The following PRTG variants were observed in gnomAD, a reference collection of about 807,000 sequenced individuals.
PRTG encodes immunoglobulin superfamily, DCC subclass, member 5.
A neutral mutation model predicts 122.5 loss-of-function variants in PRTG; 67 were observed. The ratio of observed to expected loss-of-function variants is 0.55; its 90% CI spans 0.45 to 0.67. PRTG has a LOEUF of 0.67. PRTG is among the 30% of genes least tolerant of loss of function. The probability of loss-of-function intolerance (pLI) is 0.00; values close to 1 mark genes in which losing one functional copy is unlikely to be tolerated. For missense variants in PRTG, 1,435 were observed against 1,415.4 expected (o/e 1.01, Z -0.22); for synonymous variants, 554 against 501.1 (o/e 1.11, Z -1.41).
intron 6 of PRTG, 30 bp from the exon 7 acceptor site, chr15:55,679,475 C>A (rs765352566): frequency 9.0e-6 from 14 of 1,558,338 alleles, no homozygotes; most frequent in Admixed American, 1.7e-5. Context: ...TGAAATATTT[C>A]TGTGATCCTA....
intron 2 of PRTG, 43 bp from the exon 3 acceptor site, chr15:55,683,974 A>G: frequency 6.5e-7 from 1 of 1,550,116 alleles, no homozygotes; most frequent in Non-Finnish European, 8.9e-7. Flanking sequence ...GTGCATGAAA[A>G]TAACACTTAG....
rs61634198 is a variant in PRTG at position 55,613,759 on chromosome 15, CTT to C, written c.*6251_*6252del. 0.28 allele frequency: 33,820 copies of C among 119,950 alleles called. 5,843 individuals are homozygous for C. Among genetic ancestry groups the C allele is most frequent in the East Asian group, 0.91 (3,621 of 3,994 alleles). 7.4% of individuals were successfully genotyped at this position (119,950 alleles called of 1,614,324 possible). ...ACTATGACCCTGGGTGATTAAATAC[CTT>C]TTTTTTTTTTTTTTTTTTTTAAGCT... On this transcript the variant is annotated 3_prime_UTR_variant, in exon 20 of 20. Transcript: ENST00000389286.
chr15:55,731,956 T>C (rs2141884831), intron 2 of PRTG, among the ~76,000 whole-genome samples: 1 of 152,332 alleles, frequency 6.6e-6, no homozygotes. Context: ...TGGTATAGCC[T>C]ACTACACACC....
chr15:55,616,363 A>T lies in PRTG; in HGVS notation c.*3649T>A, dbSNP rs1242007609. The T allele has an allele frequency of 6.6e-6, 1 of 152,186 alleles. No individual in the cohort carries two copies. Among genetic ancestry groups the T allele is most frequent in the African/African-American group, 2.4e-5 (1 of 41,460 alleles). 9.4% of individuals were successfully genotyped at this position (152,186 alleles called of 1,614,324 possible). On this transcript the variant is annotated 3_prime_UTR_variant, in exon 20 of 20. Transcript: ENST00000389286. Reference sequence around the variant, plus strand: ...TCTTACATCCTTAGAGATGAAAAGCATCCCTATTATTAAGGGACTGCCTCA... The same window carrying T: ...TCTTACATCCTTAGAGATGAAAAGCTTCCCTATTATTAAGGGACTGCCTCA...
rs2059498657 is a variant in PRTG at position 55,675,660 on chromosome 15, C to A, written c.1405G>T (p.Val469Leu). 1.9e-6 allele frequency: 3 copies of A among 1,570,606 alleles called. No homozygotes were observed. Among genetic ancestry groups the A allele is most frequent in the Non-Finnish European group, 2.6e-6 (3 of 1,143,260 alleles). Residue 469 changes from valine (V) to leucine (L), a missense_variant, in exon 9 of 20, where the codon GTA becomes TTA. Transcript: ENST00000389286. ...TGAGTTGTGTCATTTCCGATGACTA[C>A]TTGATACTCTTCATTATTTAAACCT... ...AEGLNNEEYQ[V>L]VIGNDTTHYI...
intron 11 of PRTG, among the ~76,000 whole-genome samples, chr15:55,647,120 A>G (rs999686917): frequency 3.3e-5 from 5 of 152,088 alleles, no homozygotes; most frequent in African/African-American, 1.2e-4. Flanking sequence ...TCTCCACTCA[A>G]AGAAAAAGGA....
rs1397148283 is a variant in PRTG, at chr15:55,637,448, A to G, written c.2453-108T>C. On this transcript the variant is annotated intron_variant, in intron 14 of 19. Coordinates refer to ENST00000389286, the MANE Select transcript of PRTG (RefSeq NM_173814.6). ...AAAGTTCAAAAAATTAGAAACCTCC[A>G]TAAGAAATCACAGCTTTCAAAGATC... 25 of 832,146 alleles carry G rather than the reference A, an allele frequency of 3.0e-5. No homozygotes were observed. The East Asian group carries it at 5.7e-4, about 19-fold the overall frequency. 51.5% of individuals were successfully genotyped at this position (832,146 alleles called of 1,614,324 possible). A position where few individuals can be genotyped will look rare whatever the true frequency, so the allele number is the denominator to read the frequency against.
intron 2 of PRTG, among the ~76,000 whole-genome samples, chr15:55,705,262 T>C (rs764569570): frequency 1.1e-4 from 16 of 152,186 alleles, no homozygotes; most frequent in Non-Finnish European, 1.9e-4. Flanking sequence ...CTTGTGAGTC[T>C]ATTCTCCCAG....
chr15:55,728,449 A>G (rs2031117213), intron 2 of PRTG, among the ~76,000 whole-genome samples: 1 of 152,220 alleles, frequency 6.6e-6, no homozygotes, highest in African/African-American at 2.4e-5. Context: ...CAGGAATGTA[A>G]AAGTTGTTCA....
At chr15:55,740,780 A>T (rs1272796427) in intron 1 of PRTG, 96 bp from the exon 2 acceptor site, 7 of 1,015,514 alleles carry the variant, frequency 6.9e-6, no homozygotes, top group Non-Finnish European at 8.6e-6. Context: ...AGGGTATGAG[A>T]TGACGAAGTT....
rs893849430 is a variant in PRTG, at chr15:55,621,624, T to G, written c.3094-857A>C. The stretch of plus-strand genomic sequence containing the variant: ...CCACTGCACTCCAGCCTGGGTAACA[T>G]AGCAAGACTCTGTCTCAAAAAAACA... On this transcript the variant is annotated intron_variant, in intron 18 of 19. Transcript: ENST00000389286. Among the ~76,000 whole-genome samples, 5 of 151,772 alleles carry G rather than the reference T, an allele frequency of 3.3e-5. No individual in the cohort carries two copies. The East Asian group carries it at 7.7e-4, about 23-fold the overall frequency.
rs542758569 is a variant in PRTG at position 55,663,699 on chromosome 15, G to A, written c.2041+8746C>T. On this transcript the variant is annotated intron_variant, in intron 11 of 19. Coordinates refer to ENST00000389286, the MANE Select transcript of PRTG (RefSeq NM_173814.6). ...TGGGATTACAGGTACCAGCCACCACGTCTGGCTAATTTTTGTATTTTTAGT... is the reference window on the plus strand; with the variant it reads ...TGGGATTACAGGTACCAGCCACCACATCTGGCTAATTTTTGTATTTTTAGT... 5.9e-5 allele frequency among the ~76,000 whole-genome samples: 9 copies of A among 151,972 alleles called. No homozygotes were observed. In the South Asian group the frequency reaches 8.3e-4, roughly 14 times the overall value.
intron 2 of PRTG, among the ~76,000 whole-genome samples, chr15:55,734,913 C>T (rs193215156): frequency 2.2e-4 from 34 of 152,160 alleles, no homozygotes; most frequent in African/African-American, 6.7e-4. Flanking sequence ...TGTTTTCTAC[C>T]TTTTTTGTAC....
intron 9 of PRTG, among the ~76,000 whole-genome samples, chr15:55,674,509 C>T (rs1025294977): frequency 2.6e-5 from 4 of 152,092 alleles, no homozygotes; most frequent in Non-Finnish European, 5.9e-5. Context: ...TTAATAGCAA[C>T]GAGGTAACTA....
At position 55,672,632 on chromosome 15, in the gene PRTG, G is replaced by C; in HGVS notation, c.1854C>G (p.Ala618=). The part of the protein sequence containing the change: ...HRTPKATSVK[A]PKSPELHLEP... The stretch of plus-strand genomic sequence containing the variant: ...CCAAATGCAACTCTGGAGACTTAGG[G>C]GCTAGCAAAATTCATCAGAAAATGT... Residue 618 remains alanine, a splice_region_variant and synonymous_variant, in exon 11 of 20, where the codon GCC becomes GCG. Coordinates refer to ENST00000389286, the MANE Select transcript of PRTG (RefSeq NM_173814.6). The C allele has an allele frequency of 6.2e-7, 1 of 1,609,584 alleles. No individual in the cohort carries two copies. Among genetic ancestry groups the C allele is most frequent in the Admixed American group, 1.7e-5 (1 of 59,344 alleles).
At chr15:55,699,937 C>T (rs1015108899) in intron 2 of PRTG, among the ~76,000 whole-genome samples, 5 of 152,120 alleles carry the variant, frequency 3.3e-5, no homozygotes, top group Admixed American at 6.6e-5. Context: ...TAATAAAAAG[C>T]TACTCTAAAG....
chr15:55,675,422 A>G, intron 9 of PRTG, 97 bp downstream of exon 9: 1 of 917,544 alleles, frequency 1.1e-6, no homozygotes, highest in East Asian at 2.6e-5. Flanking sequence ...TTTTTTAACC[A>G]AAAAGAGGAT....
intron 2 of PRTG, among the ~76,000 whole-genome samples, chr15:55,727,806 A>T (rs941773591): frequency 6.6e-6 from 1 of 152,164 alleles, no homozygotes; most frequent in Non-Finnish European, 1.5e-5. Context: ...AAAAGAAAAA[A>T]AGAAACACCC....
chr15:55,721,230 T>C (rs1388055303), intron 2 of PRTG, among the ~76,000 whole-genome samples: 3 of 152,222 alleles, frequency 2.0e-5, no homozygotes, highest in South Asian at 4.1e-4. Flanking sequence ...CAAGCCCTTA[T>C]GAGTTCTCAC....
Sources: gnomAD v4.1 joint callset for allele counts (sites outside exome capture counted in the v4.1 genomes callset) on GRCh38, gnomAD v4.1.1 for gene constraint, MANE v1.5 for transcripts, NCBI Gene and HGNC (gene_info 2026-07-23, HGNC 2026-07-21) for gene names.